The following DDX1 variants were observed in gnomAD, a reference collection of about 807,000 sequenced individuals.
DDX1 encodes ATP-dependent RNA helicase DDX1.
Under a neutral mutation model 108.7 loss-of-function variants are expected in DDX1, and 28 were observed. The ratio of observed to expected loss-of-function variants is 0.26; its 90% CI spans 0.19 to 0.35. The LOEUF (loss-of-function observed/expected upper bound fraction) is 0.35, where lower values mean the gene tolerates loss of function less well. Ranked by LOEUF, DDX1 falls within the 10% of genes least tolerant of loss-of-function variation. The pLI, the probability that DDX1 is intolerant of heterozygous loss-of-function variation, is 1.00. For synonymous variants in DDX1, 295 were observed against 288.9 expected (o/e 1.02, Z -0.21); for missense variants, 710 against 884.5 (o/e 0.80, Z 2.50).
chr2:15,614,942 A>C (rs1396140132), intron 14 of DDX1, among the ~76,000 whole-genome samples: 1 of 152,204 alleles, frequency 6.6e-6, no homozygotes, highest in Non-Finnish European at 1.5e-5. Context: ...GCTTTTAGGG[A>C]ATTAAATCTG....
In DDX1 at chr2:15,602,578, G is replaced by A; in HGVS notation, c.338G>A (p.Ser113Asn). The change falls in exon 7 of 26, where the codon AGC (serine) becomes AAC (asparagine). Residue 113 changes from serine (S) to asparagine (N), a missense_variant. Physicochemically the swap from Ser to Asn is conservative, Grantham distance 46. Coordinates refer to ENST00000233084, the MANE Select transcript of DDX1 (RefSeq NM_004939.3). ...AIGSDGLCCQ[S>N]REVKEWHGCR... ...GGGTCAGATGGTCTTTGTTGTCAAA[G>A]CAGAGAAGTAAAGGAATGGCATGGG... The A allele has an allele frequency of 6.2e-7, 1 of 1,613,854 alleles. No homozygotes were observed. The highest frequency in any genetic ancestry group is 1.7e-5 in the Admixed American group (1 of 60,020).
intron 24 of DDX1, 128 bp from the exon 25 acceptor site, chr2:15,629,862 T>A (rs1277325901): frequency 7.3e-6 from 8 of 1,100,902 alleles, no homozygotes; most frequent in Non-Finnish European, 1.0e-5. Flanking sequence ...GTTGTGAATT[T>A]CTCTCTTCAG....
intron 16 of DDX1, among the ~76,000 whole-genome samples, chr2:15,619,520 A>G (rs1392244298): frequency 1.3e-5 from 2 of 152,334 alleles, no homozygotes; most frequent in South Asian, 4.1e-4. Context: ...GCTTGATGGC[A>G]GCAGCTGCTC....
At chr2:15,624,373 G>A (rs548701102) in intron 19 of DDX1, among the ~76,000 whole-genome samples, 1 of 152,302 alleles carries the variant, frequency 6.6e-6, no homozygotes, top group South Asian at 2.1e-4. Context: ...AATGTAAACT[G>A]TATTAGTCTG....
At chr2:15,629,831 T>A in intron 24 of DDX1, 134 bp downstream of exon 24, 1 of 1,000,066 alleles carries the variant, frequency 1.0e-6, no homozygotes, top group Non-Finnish European at 1.5e-6. Context: ...TATAATGTTA[T>A]CTGCACTTTG....
rs924230719 is a variant in DDX1, at chr2:15,618,501, G to A, written c.1206+231G>A. On this transcript the variant is annotated intron_variant, in intron 16 of 25. Coordinates refer to ENST00000233084, the MANE Select transcript of DDX1 (RefSeq NM_004939.3). ...TGAGCCAGGCGCGGAGTGGTGAGGC[G>A]TGTATGAGCGAACGTGGGGTCTGGC... is the stretch of plus-strand genomic sequence containing the variant. Among the ~76,000 whole-genome samples the A allele has an allele frequency of 9.2e-5, 14 of 152,312 alleles. No individual in the cohort carries two copies. In the East Asian group the frequency reaches 1.4e-3, roughly 15 times the overall value.
chr2:15,607,352 T>C, intron 13 of DDX1, 39 bp downstream of exon 13: 1 of 1,597,116 alleles, frequency 6.3e-7, no homozygotes, highest in African/African-American at 1.3e-5. Flanking sequence ...TATTGTCTTT[T>C]GGTTTGAAGT....
At chr2:15,626,475 T>A (rs1353974673) in intron 19 of DDX1, among the ~76,000 whole-genome samples, 1 of 152,166 alleles carries the variant, frequency 6.6e-6, no homozygotes, top group Admixed American at 6.5e-5. Context: ...GTTACTCTTT[T>A]TGTTACTGTG....
chr2:15,605,908 T>G (rs749226123), intron 10 of DDX1, 42 bp from the exon 11 acceptor site: 4 of 1,374,006 alleles, frequency 2.9e-6, no homozygotes, highest in Non-Finnish European at 4.0e-6. Context: ...AGGAAGGTCT[T>G]TTCTGATTGT....
At position 15,629,654 on chromosome 2, in the gene DDX1, T is replaced by G. The variant is rs762546378; in HGVS notation, c.1928T>G (p.Leu643Arg). The change falls in exon 24 of 26, where the codon CTC (leucine) becomes CGC (arginine). Residue 643 changes from leucine (L) to arginine (R), a missense_variant. By Grantham distance (102) the Leu-to-Arg change is moderately radical (BLOSUM62 -2). Around this residue, in one of 3 missense-constraint regions of DDX1, gnomAD observed 661 missense variants for 810.2 expected, o/e 0.82. Transcript: ENST00000233084. ...GGAAAAGGGTGTTATAACACAAGAC[T>G]CAAGGAAGATGGAGGCTGTACCATA... ...SRGKGCYNTR[L>R]KEDGGCTIWY... 4.4e-6 allele frequency: 7 copies of G among 1,589,352 alleles called. No individual in the cohort carries two copies. The highest frequency in any genetic ancestry group is 6.0e-6 in the Non-Finnish European group (7 of 1,172,582).
chr2:15,629,857 G>A, intron 24 of DDX1, 133 bp from the exon 25 acceptor site: 1 of 1,080,658 alleles, frequency 9.3e-7, no homozygotes, highest in African/African-American at 1.6e-5. Context: ...TGTAAGTTGT[G>A]AATTTCTCTC....
In DDX1 at chr2:15,599,685, G is replaced by T; in HGVS notation, c.276G>T (p.Gln92His). 1 of 1,606,950 alleles carries T rather than the reference G, an allele frequency of 6.2e-7. No homozygotes were observed. The highest frequency in any genetic ancestry group is 2.2e-5 in the East Asian group (1 of 44,490). The change falls in exon 6 of 26, where the codon CAG becomes CAT. Residue 92 changes from glutamine (Q) to histidine (H), a missense_variant. Transcript: ENST00000233084. ...TTTGTTTAGTGCTGAACAAATGGCA[G>T]ATGAACCCATATGACAGAGGATCTG... ...KTGASVLNKW[Q>H]MNPYDRGSAF...
intron 23 of DDX1, 104 bp downstream of exon 23, chr2:15,628,943 T>C (rs1334463159): frequency 9.3e-7 from 1 of 1,080,080 alleles, no homozygotes; most frequent in Non-Finnish European, 1.4e-6. Flanking sequence ...TTCAGCTGCG[T>C]ATGGAATACA....
In DDX1 at chr2:15,602,531, T is replaced by G. The variant is rs1558452219; in HGVS notation, c.308-17T>G. ...CCTGTACTGACGTGTTTTTCTGTGT[T>G]TTCTTCTCAAATCCAGCAATTGGGT... On this transcript the variant is annotated splice_polypyrimidine_tract_variant and intron_variant, in intron 6 of 25. Transcript: ENST00000233084. 2 of 1,605,784 alleles carry G rather than the reference T, an allele frequency of 1.2e-6. No homozygotes were observed. The highest frequency in any genetic ancestry group is 2.2e-5 in the South Asian group (2 of 90,900).
At chr2:15,625,776 G>C (rs1666092963) in intron 19 of DDX1, among the ~76,000 whole-genome samples, 1 of 152,048 alleles carries the variant, frequency 6.6e-6, no homozygotes, top group Non-Finnish European at 1.5e-5. Flanking sequence ...AACACATTTT[G>C]TTATAACTGA....
rs1305851230 is a variant in DDX1, at chr2:15,621,743, C to T, written c.1447+627C>T. Among the ~76,000 whole-genome samples, 4 of 151,876 alleles carry T rather than the reference C, an allele frequency of 2.6e-5. No homozygotes were observed. In the South Asian group the frequency reaches 8.3e-4, roughly 32 times the overall value. On this transcript the variant is annotated intron_variant, in intron 18 of 25. Coordinates refer to ENST00000233084, the MANE Select transcript of DDX1 (RefSeq NM_004939.3). ...TTTTGGCTCACCACAACCTCTGCCT[C>T]CCAGGCTCAAGCAGTTCTCCTGCCT...
At chr2:15,598,050 G>A (rs1383646017) in intron 5 of DDX1, among the ~76,000 whole-genome samples, 1 of 151,956 alleles carries the variant, frequency 6.6e-6, no homozygotes, top group East Asian at 1.9e-4. Flanking sequence ...TTTAAATTGT[G>A]TTGCTTCTGT....
Position 15,595,537 on chromosome 2 carries a change from G to A in DDX1, c.116G>A (p.Gly39Glu). The A allele has an allele frequency of 6.2e-7, 1 of 1,609,352 alleles. No homozygotes were observed. Among genetic ancestry groups the A allele is most frequent in the Non-Finnish European group, 8.5e-7 (1 of 1,175,718 alleles). ...GAATCTATCCCATTGATCTTAGGAG[G>A]AGGTGATGTACTTATGGTAAGTTTA... The part of the protein sequence containing the change: ...QAESIPLILG[G>E]GDVLMAAETG... Residue 39 changes from glycine (G) to glutamate (E), a missense_variant, in exon 3 of 26, where the codon GGA (glycine) becomes GAA (glutamate). Physicochemically the swap from Gly to Glu is moderately conservative, Grantham distance 98. Transcript: ENST00000233084.
intron 6 of DDX1, 55 bp from the exon 7 acceptor site, chr2:15,602,493 A>G (rs1227634256): frequency 3.1e-6 from 4 of 1,308,292 alleles, no homozygotes; most frequent in Non-Finnish European, 3.3e-6. Context: ...GTGGGAATGT[A>G]TGATTTATAA....
Sources: gnomAD v4.1 joint callset for allele counts (sites outside exome capture counted in the v4.1 genomes callset) on GRCh38, gnomAD v4.1.1 for gene constraint, gnomAD v4.1.1 regional missense constraint, MANE v1.5 for transcripts, NCBI Gene and HGNC (gene_info 2026-07-23, HGNC 2026-07-21) for gene names.